ABCA13: variants seen among roughly 807,000 people sequenced by gnomAD.
ABCA13 encodes the protein ATP binding cassette subfamily A member 13.
A neutral mutation model predicts 478.7 loss-of-function variants in ABCA13; 476 were observed. The ratio of observed to expected loss-of-function variants is 0.99; its 90% CI spans 0.92 to 1.07. The LOEUF (loss-of-function observed/expected upper bound fraction) is 1.07, where lower values mean the gene tolerates loss of function less well. ABCA13 is among the 50% of genes least tolerant of loss of function. The probability of loss-of-function intolerance (pLI) is 0.00; values close to 1 mark genes in which losing one functional copy is unlikely to be tolerated. For missense variants in ABCA13, 6,060 were observed against 5,910.6 expected (o/e 1.03, Z -0.83); for synonymous variants, 2,252 against 2,158.9 (o/e 1.04, Z -1.20).
chr7:48,175,094 A>G (rs894118635), intron 1 of ABCA13, among the ~76,000 whole-genome samples: 12 of 152,240 alleles, frequency 7.9e-5, no homozygotes, highest in Admixed American at 7.9e-4. Flanking sequence ...GGATAGTTCC[A>G]GTGCAATGCC....
Position 48,548,538 on chromosome 7 carries a change from C to T in ABCA13, c.14354+20193C>T, listed in dbSNP as rs184032023. Among the ~76,000 whole-genome samples, 176 of 144,084 alleles carry T rather than the reference C, an allele frequency of 1.2e-3. 3 individuals are homozygous for T. The highest frequency in any genetic ancestry group is 4.3e-3 in the African/African-American group (163 of 37,632). 94.5% of individuals were successfully genotyped at this position (144,084 alleles called of 152,430 possible). ...GAGTGAAGGATGATAAAAACACCAG[C>T]ATGTAACACATTTTTTTTTTTTTTG... On this transcript the variant is annotated intron_variant, in intron 55 of 61. Coordinates refer to ENST00000435803, the MANE Select transcript of ABCA13 (RefSeq NM_152701.5).
At chr7:48,227,510 T>C in intron 6 of ABCA13, 85 bp downstream of exon 6, 1 of 1,466,942 alleles carries the variant, frequency 6.8e-7, no homozygotes. Flanking sequence ...AATTACTAAT[T>C]GTTGGATTTA....
chr7:48,325,165 A>C (rs1230082226), intron 27 of ABCA13, among the ~76,000 whole-genome samples: 1 of 152,156 alleles, frequency 6.6e-6, no homozygotes, highest in African/African-American at 2.4e-5. Flanking sequence ...TTTGCAGACT[A>C]AGGATGGCTT....
Position 48,228,708 on chromosome 7 carries a change from G to A in ABCA13, c.633-1117G>A, listed in dbSNP as rs182535595. Among the ~76,000 whole-genome samples the A allele has an allele frequency of 1.9e-4, 29 of 152,268 alleles. No individual in the cohort carries two copies. The East Asian group carries it at 5.2e-3, about 27-fold the overall frequency. ...TGAATGTAGCTTTCCAAGTTGTTATGAAGATCTATTTGTCAATGTAGGAAA... is the reference window on the plus strand; with the variant it reads ...TGAATGTAGCTTTCCAAGTTGTTATAAAGATCTATTTGTCAATGTAGGAAA... On this transcript the variant is annotated intron_variant, in intron 6 of 61. Coordinates refer to ENST00000435803, the MANE Select transcript of ABCA13 (RefSeq NM_152701.5).
rs142855400 is a variant in ABCA13, at chr7:48,345,684, T to C, written c.10205-4959T>C. Among the ~76,000 whole-genome samples the C allele has an allele frequency of 3.9e-3, 596 of 152,292 alleles. 6 individuals are homozygous for C. The highest frequency in any genetic ancestry group is 0.013 in the African/African-American group (550 of 41,564). ...TCAAAAAATTAAAAAGTTTATAAAG[T>C]ATAAAGTTATAGTAATCTAAGGTTA... is the stretch of plus-strand genomic sequence containing the variant. On this transcript the variant is annotated intron_variant, in intron 29 of 61. Coordinates refer to ENST00000435803, the MANE Select transcript of ABCA13 (RefSeq NM_152701.5).
In ABCA13 at chr7:48,288,016, G is replaced by A; in HGVS notation, c.8893G>A (p.Gly2965Arg). ...TGCTACTCTGAGTTGCAAGCAAAAT[G>A]GGATAAGGCATCTCATTTTATCTGC... The part of the protein sequence containing the change: ...LCATLSCKQN[G>R]IRHLILSAIQ... Residue 2965 changes from glycine to arginine, a missense_variant, in exon 20 of 62, where the codon GGG becomes AGG. Physicochemically the swap from Gly to Arg is moderately radical, Grantham distance 125. Transcript: ENST00000435803. The A allele has an allele frequency of 6.2e-7, 1 of 1,613,974 alleles. No individual in the cohort carries two copies. The highest frequency in any genetic ancestry group is 8.5e-7 in the Non-Finnish European group (1 of 1,179,876).
At chr7:48,364,129 T>C (rs1811314462) in intron 31 of ABCA13, among the ~76,000 whole-genome samples, 1 of 152,150 alleles carries the variant, frequency 6.6e-6, no homozygotes, top group East Asian at 1.9e-4. Flanking sequence ...GTGCCATTAA[T>C]GACCTTACAG....
At chr7:48,204,066 T>C (rs1784580997) in intron 3 of ABCA13, among the ~76,000 whole-genome samples, 1 of 151,630 alleles carries the variant, frequency 6.6e-6, no homozygotes, top group African/African-American at 2.4e-5. Flanking sequence ...CACCTGCTGC[T>C]GCCTCACCTC....
At chr7:48,412,301 A>T in intron 40 of ABCA13, 52 bp from the exon 41 acceptor site, 1 of 1,384,990 alleles carries the variant, frequency 7.2e-7, no homozygotes, top group Admixed American at 2.1e-5. Flanking sequence ...ATTGATGTAT[A>T]TATGGATTAA....
At chr7:48,371,337 T>G (rs536873931) in intron 32 of ABCA13, among the ~76,000 whole-genome samples, 4 of 152,328 alleles carry the variant, frequency 2.6e-5, no homozygotes, top group Admixed American at 1.3e-4. Flanking sequence ...GGTAGTTTAA[T>G]GGGAATAGCA....
At chr7:48,593,593 A>T (rs1395197935) in intron 57 of ABCA13, among the ~76,000 whole-genome samples, 1 of 152,052 alleles carries the variant, frequency 6.6e-6, no homozygotes, top group African/African-American at 2.4e-5. Flanking sequence ...TGTATACTTA[A>T]CTTTACTGTG....
chr7:48,308,098 C>CT (rs1198695548), intron 23 of ABCA13, among the ~76,000 whole-genome samples: 3 of 151,876 alleles, frequency 2.0e-5, no homozygotes, highest in African/African-American at 7.3e-5. Flanking sequence ...ATTCTATAAG[C>CT]TTTTTTCTAT....
chr7:48,241,789 TG>T (rs1276640634), intron 10 of ABCA13, among the ~76,000 whole-genome samples: 1 of 152,266 alleles, frequency 6.6e-6, no homozygotes, highest in Non-Finnish European at 1.5e-5. Context: ...AGGACCATAT[TG>T]TGTTCTTATG....
At chr7:48,542,865 C>G (rs1187365256) in intron 55 of ABCA13, among the ~76,000 whole-genome samples, 1 of 151,630 alleles carries the variant, frequency 6.6e-6, no homozygotes, top group Non-Finnish European at 1.5e-5. Flanking sequence ...CTAATCGTGA[C>G]ATTTTTCAAA....
intron 26 of ABCA13, 51 bp from the exon 27 acceptor site, chr7:48,317,106 C>T: frequency 6.4e-7 from 1 of 1,564,548 alleles, no homozygotes; most frequent in South Asian, 1.2e-5. Context: ...CCCTATTAAC[C>T]TAGGCATCGT....
intron 34 of ABCA13, among the ~76,000 whole-genome samples, chr7:48,375,015 C>T (rs754571817): frequency 1.1e-4 from 16 of 152,116 alleles, no homozygotes; most frequent in Non-Finnish European, 2.1e-4. Flanking sequence ...GAATTTAATG[C>T]CTGATGATCT....
At chr7:48,305,089 G>A (rs1431526019) in intron 23 of ABCA13, among the ~76,000 whole-genome samples, 2 of 152,148 alleles carry the variant, frequency 1.3e-5, no homozygotes, top group East Asian at 1.9e-4. Context: ...TAGTAGTAAC[G>A]TCATTTTTGA....
intron 31 of ABCA13, among the ~76,000 whole-genome samples, chr7:48,354,522 C>T (rs1312167551): frequency 6.6e-6 from 1 of 151,868 alleles, no homozygotes; most frequent in Non-Finnish European, 1.5e-5. Flanking sequence ...ATTTTTTCAC[C>T]CCTTGAAGAT....
At chr7:48,290,940 GAAAAAAAAAAA>G (rs57470116) in intron 20 of ABCA13, among the ~76,000 whole-genome samples, 27 of 48,834 alleles carry the variant, frequency 5.5e-4, no homozygotes, top group East Asian at 4.0e-3. Flanking sequence ...CACACTCAGG[GAAAAAAAAAAA>G]AAAAAAAAAA....
Sources: gnomAD v4.1 joint callset for allele counts (sites outside exome capture counted in the v4.1 genomes callset) on GRCh38, gnomAD v4.1.1 for gene constraint, MANE v1.5 for transcripts, NCBI Gene and HGNC (gene_info 2026-07-23, HGNC 2026-07-21) for gene names.